CAPN1: variants seen among roughly 807,000 people sequenced by gnomAD.
CAPN1 encodes calpain 1, also known as calpain-1 catalytic subunit.
Under a neutral mutation model 105.2 loss-of-function variants are expected in CAPN1, and 77 were observed. The observed-to-expected ratio is 0.73, with a 90% CI of 0.61 to 0.88. The LOEUF (loss-of-function observed/expected upper bound fraction) is 0.88, where lower values mean the gene tolerates loss of function less well. Ranked by LOEUF, CAPN1 falls within the 40% of genes least tolerant of loss-of-function variation. The probability of loss-of-function intolerance (pLI) is 0.00; values close to 1 mark genes in which losing one functional copy is unlikely to be tolerated. For synonymous variants in CAPN1, 355 were observed against 388.8 expected (o/e 0.91, Z 1.02); for missense variants, 833 against 976.6 (o/e 0.85, Z 1.96).
At chr11:65,194,183 G>T (rs1409013876) in intron 10 of CAPN1, among the ~76,000 whole-genome samples, 1 of 151,876 alleles carries the variant, frequency 6.6e-6, no homozygotes, top group Non-Finnish European at 1.5e-5. Flanking sequence ...GGCCAGGCTG[G>T]TCTTGAATTC....
At position 65,206,450 on chromosome 11, in the gene CAPN1, T is replaced by G. The variant is rs1033909521; in HGVS notation, c.1354-13T>G. The stretch of plus-strand genomic sequence containing the variant: ...GGGCAGCTGCAGCCCTGCTCCCTCC[T>G]CCCTCCCACCAGCTGGTGGGCCAGC... On this transcript the variant is annotated splice_polypyrimidine_tract_variant and intron_variant, in intron 12 of 21. Transcript: ENST00000279247. 1.2e-6 allele frequency: 2 copies of G among 1,609,152 alleles called. No homozygotes were observed. Among genetic ancestry groups the G allele is most frequent in the Admixed American group, 3.3e-5 (2 of 59,952 alleles).
Position 65,209,299 on chromosome 11 carries a change from T to A in CAPN1, c.1730-24T>A. ...GTGCAGGAAGCTCACTAGGTGGAGATGTTGGAATTGGTTTTTCTTGCAGAC... is the reference window on the plus strand; with the variant it reads ...GTGCAGGAAGCTCACTAGGTGGAGAAGTTGGAATTGGTTTTTCTTGCAGAC... On this transcript the variant is annotated intron_variant, in intron 16 of 21. Transcript: ENST00000279247. The surrounding 1 kb of genome is among the most constrained non-coding windows in gnomAD (Gnocchi z 4.1). The A allele has an allele frequency of 1.2e-6, 2 of 1,607,244 alleles. No individual in the cohort carries two copies. Among genetic ancestry groups the A allele is most frequent in the Non-Finnish European group, 1.7e-6 (2 of 1,175,044 alleles).
In CAPN1 at chr11:65,188,557, G is replaced by A. The variant is rs1565395973; in HGVS notation, c.1005-29G>A. ...CATCAGCTCTGTGCCCTGACGGGCT[G>A]TGCCTCACCTGTGTACCTCCCACCT... On this transcript the variant is annotated intron_variant, in intron 9 of 21. Transcript: ENST00000279247. The surrounding 1 kb of genome is among the most constrained non-coding windows in gnomAD (Gnocchi z 5.5). 1 of 1,613,814 alleles carries A rather than the reference G, an allele frequency of 6.2e-7. No homozygotes were observed. Among genetic ancestry groups the A allele is most frequent in the South Asian group, 1.1e-5 (1 of 91,060 alleles).
At chr11:65,182,054 G>T (rs2137302345) in intron 1 of CAPN1, 41 bp downstream of exon 1, 2 of 156,246 alleles carry the variant, frequency 1.3e-5, no homozygotes, top group South Asian at 1.7e-4. Context: ...CTTGACCCTG[G>T]CCACTGCTCC....
intron 4 of CAPN1, among the ~76,000 whole-genome samples, chr11:65,184,448 A>G (rs1948602167): frequency 6.6e-6 from 1 of 151,608 alleles, no homozygotes; most frequent in East Asian, 1.9e-4. Context: ...CACTCTCCGC[A>G]ACCTGGGCTC....
rs772628339 is a variant in CAPN1 at position 65,210,401 on chromosome 11, G to T, written c.2008G>T (p.Val670Phe). The T allele has an allele frequency of 1.2e-6, 2 of 1,613,422 alleles. No individual in the cohort carries two copies. The highest frequency in any genetic ancestry group is 3.3e-5 in the Admixed American group (2 of 59,982). The change falls in exon 20 of 22, where the codon GTC (valine) becomes TTC (phenylalanine). Residue 670 changes from valine (V) to phenylalanine (F), a missense_variant. Physicochemically the swap from Val to Phe is conservative, Grantham distance 50. Coordinates refer to ENST00000279247, the MANE Select transcript of CAPN1 (RefSeq NM_005186.4). This position sits in a 1 kb window ranked among gnomAD's most constrained non-coding sequence, Gnocchi z 4.3. ...ITRYSEPDLA[V>F]DFDNFVCCLV... Reference sequence around the variant, plus strand: ...CCGCTACTCGGAGCCCGACCTGGCGGTCGACTTTGACAATTTCGTTTGCTG... The same window carrying T: ...CCGCTACTCGGAGCCCGACCTGGCGTTCGACTTTGACAATTTCGTTTGCTG...
chr11:65,189,379 G>A (rs1331504609), intron 10 of CAPN1, among the ~76,000 whole-genome samples: 1 of 152,054 alleles, frequency 6.6e-6, no homozygotes. Flanking sequence ...GGCTGATGTG[G>A]GCCACAGCCT....
At position 65,195,581 on chromosome 11, in the gene CAPN1, T is replaced by C. The variant is rs137876717; in HGVS notation, c.1165+6835T>C. Among the ~76,000 whole-genome samples the C allele has an allele frequency of 4.9e-4, 74 of 152,340 alleles. 1 individual carries two copies. Among genetic ancestry groups the C allele is most frequent in the African/African-American group, 1.6e-3 (68 of 41,574 alleles). On this transcript the variant is annotated intron_variant, in intron 10 of 21. Coordinates refer to ENST00000279247, the MANE Select transcript of CAPN1 (RefSeq NM_005186.4). ...ACTACCCTTGCATTCCTGGGATAAA[T>C]CCCACTTCATCATGGTGTATATTCC...
chr11:65,187,981 C>A lies in CAPN1; in HGVS notation c.870C>A (p.Ser290Arg). 1 of 1,563,010 alleles carries A rather than the reference C, an allele frequency of 6.4e-7. No individual in the cohort carries two copies. Among genetic ancestry groups the A allele is most frequent in the Non-Finnish European group, 8.7e-7 (1 of 1,153,818 alleles). The change falls in exon 8 of 22, where the codon AGC becomes AGA. Residue 290 changes from serine (S) to arginine (R), a missense_variant. By Grantham distance (110) the Ser-to-Arg change is moderately radical (BLOSUM62 -1). Transcript: ENST00000279247. ...TGAACTACCGAGGCCAGGTGGTGAG[C>A]CTGATCCGGATGCGGAACCCCTGGG... ...KQVNYRGQVV[S>R]LIRMRNPWGE...
In CAPN1 at chr11:65,209,291, G is replaced by A. The variant is rs768693361; in HGVS notation, c.1730-32G>A. 6.3e-7 allele frequency: 1 copy of A among 1,599,936 alleles called. No homozygotes were observed. The highest frequency in any genetic ancestry group is 1.1e-5 in the South Asian group (1 of 90,054). On this transcript the variant is annotated intron_variant, in intron 16 of 21. Coordinates refer to ENST00000279247, the MANE Select transcript of CAPN1 (RefSeq NM_005186.4). The surrounding 1 kb of genome is among the most constrained non-coding windows in gnomAD (Gnocchi z 4.1). ...AGGGGCAGGTGCAGGAAGCTCACTA[G>A]GTGGAGATGTTGGAATTGGTTTTTC...
Position 65,211,575 on chromosome 11 carries a change from C to G in CAPN1, c.*289C>G. The G allele has an allele frequency of 1.8e-6, 1 of 556,538 alleles. No individual in the cohort carries two copies. 34.5% of individuals were successfully genotyped at this position (556,538 alleles called of 1,614,324 possible). A position where few individuals can be genotyped will look rare whatever the true frequency, so the allele number is the denominator to read the frequency against. ...GCTTGTTCCTGCCTCGGGACAGCCC[C>G]GGGTTTCCCCAGCATCCTGATGTGT... On this transcript the variant is annotated 3_prime_UTR_variant, in exon 22 of 22. Coordinates refer to ENST00000279247, the MANE Select transcript of CAPN1 (RefSeq NM_005186.4).
intron 10 of CAPN1, among the ~76,000 whole-genome samples, chr11:65,193,137 C>T (rs1288649350): frequency 5.3e-5 from 8 of 150,548 alleles, no homozygotes; most frequent in Admixed American, 3.3e-4. Flanking sequence ...CCCACCACCA[C>T]GCCTGGCTAA....
chr11:65,192,191 C>T (rs995683741), intron 10 of CAPN1, among the ~76,000 whole-genome samples: 1 of 152,006 alleles, frequency 6.6e-6, no homozygotes, highest in Non-Finnish European at 1.5e-5. Context: ...GCCATGTTTG[C>T]GCCACTGCAC....
At position 65,206,668 on chromosome 11, in the gene CAPN1, G is replaced by C; in HGVS notation, c.1559G>C (p.Gly520Ala). The stretch of plus-strand genomic sequence containing the variant: ...CGCTTCTTCTCAGAGAAGAGTGCTG[G>C]GACTGTGTGAGTCATGGACTGGCCC... ...VLRFFSEKSA[G>A]TVELDDQIQA... is the part of the protein sequence containing the mutation. The change falls in exon 13 of 22, where the codon GGG becomes GCG. Residue 520 changes from glycine to alanine, a missense_variant. Physicochemically the swap from Gly to Ala is moderately conservative, Grantham distance 60. Coordinates refer to ENST00000279247, the MANE Select transcript of CAPN1 (RefSeq NM_005186.4). 3 of 1,613,178 alleles carry C rather than the reference G, an allele frequency of 1.9e-6. No homozygotes were observed. The highest frequency in any genetic ancestry group is 2.5e-6 in the Non-Finnish European group (3 of 1,179,770).
At chr11:65,190,703 G>GGT (rs1555007550) in intron 10 of CAPN1, among the ~76,000 whole-genome samples, 2 of 149,042 alleles carry the variant, frequency 1.3e-5, no homozygotes, top group Non-Finnish European at 3.0e-5. Flanking sequence ...TTTGTTGTTG[G>GGT]TTTTTTTTGT....
In CAPN1 at chr11:65,208,711, T is replaced by G. The variant is rs866695125; in HGVS notation, c.1729+449T>G. 18 of 281,398 alleles carry G rather than the reference T, an allele frequency of 6.4e-5. No individual in the cohort carries two copies. Among genetic ancestry groups the G allele is most frequent in the South Asian group, 3.7e-4 (10 of 26,970 alleles). The allele number at this position is 281,398 out of a possible 1,614,324, so 17.4% of individuals were successfully genotyped here. ...GGAGGATGGCTTGAGACCAGGGAGGTTAAGGCTGCAGTGAGCTGTGATCAC... is the reference window on the plus strand; with the variant it reads ...GGAGGATGGCTTGAGACCAGGGAGGGTAAGGCTGCAGTGAGCTGTGATCAC... On this transcript the variant is annotated intron_variant, in intron 16 of 21. Transcript: ENST00000279247. This position sits in a 1 kb window ranked among gnomAD's most constrained non-coding sequence, Gnocchi z 4.1.
At chr11:65,207,067 G>A (rs1470734121) in intron 14 of CAPN1, among the ~76,000 whole-genome samples, 1 of 152,110 alleles carries the variant, frequency 6.6e-6, no homozygotes. Context: ...CACTTCACCT[G>A]TGTTACCTCA....
chr11:65,204,563 G>A, intron 10 of CAPN1, 120 bp from the exon 11 acceptor site: 2 of 896,184 alleles, frequency 2.2e-6, no homozygotes, highest in Non-Finnish European at 3.4e-6. Context: ...CATGTTCCAG[G>A]TGCTCAATAA....
intron 4 of CAPN1, among the ~76,000 whole-genome samples, chr11:65,185,095 C>A (rs1188397283): frequency 6.6e-6 from 1 of 151,938 alleles, no homozygotes; most frequent in Non-Finnish European, 1.5e-5. Flanking sequence ...TGAAGGTTCA[C>A]TGAAAAATCA....
Sources: allele counts gnomAD v4.1 joint callset (sites outside exome capture counted in the v4.1 genomes callset), GRCh38; gene constraint gnomAD v4.1.1; non-coding constraint Gnocchi (gnomAD v3.1); transcripts MANE v1.5; gene names NCBI Gene and HGNC (gene_info 2026-07-23, HGNC 2026-07-21).